Variants in ESYT2 observed in about 807,000 individuals in gnomAD.
ESYT2 encodes the protein extended synaptotagmin 2.
Under a neutral mutation model 107.2 loss-of-function variants are expected in ESYT2, and 54 were observed. The ratio of observed to expected loss-of-function variants is 0.50; its 90% CI spans 0.40 to 0.63. ESYT2 has a LOEUF of 0.63. ESYT2 is among the 30% of genes least tolerant of loss of function. The pLI, the probability that ESYT2 is intolerant of heterozygous loss-of-function variation, is 0.00. For synonymous variants in ESYT2, 491 were observed against 434.1 expected, an observed-to-expected ratio of 1.13 and a Z score of -1.63; for missense variants, 1,020 against 1,094.5, an observed-to-expected ratio of 0.93 and a Z score of 0.96.
rs758010501 is a variant in ESYT2, at chr7:158,759,525, T to C, written c.1380A>G (p.Ala460=). Reference sequence around the variant, plus strand: ...CTGAATCCAAGTACAAGATCAGCAATGCAGAGGAAAGACCATCGTTGGCTT... The same window carrying C: ...CTGAATCCAAGTACAAGATCAGCAACGCAGAGGAAAGACCATCGTTGGCTT... ...KDQANDGLSS[A]LLILYLDSAR... Residue 460 remains alanine, a synonymous_variant, in exon 13 of 23, where the codon GCA becomes GCG. Transcript: ENST00000275418. The C allele has an allele frequency of 1.4e-5, 23 of 1,612,244 alleles. No individual in the cohort carries two copies. The highest frequency in any genetic ancestry group is 2.2e-5 in the South Asian group (2 of 91,026).
Position 158,764,812 on chromosome 7 carries a change from C to G in ESYT2, c.966G>C (p.Gln322His). 2 of 1,614,168 alleles carry G rather than the reference C, an allele frequency of 1.2e-6. No homozygotes were observed. Among genetic ancestry groups the G allele is most frequent in the South Asian group, 2.2e-5 (2 of 91,082 alleles). ...RIHFIEAQDL[Q>H]GKDTYLKGLV... ...GTCCCTTAAGGTAAGTGTCTTTCCC[C>G]TGAAGATCCTGAGCTTCAATAAAAT... The change falls in exon 9 of 23, where the codon CAG (glutamine) becomes CAC (histidine). Residue 322 changes from glutamine to histidine, a missense_variant. By Grantham distance (24) the Gln-to-His change is conservative. Coordinates refer to ENST00000275418, the MANE Select transcript of ESYT2 (RefSeq NM_001367773.1).
chr7:158,739,134 A>T lies in ESYT2; in HGVS notation c.2169-13T>A. 1 of 1,613,188 alleles carries T rather than the reference A, an allele frequency of 6.2e-7. No individual in the cohort carries two copies. Among genetic ancestry groups the T allele is most frequent in the Non-Finnish European group, 8.5e-7 (1 of 1,179,230 alleles). On this transcript the variant is annotated splice_polypyrimidine_tract_variant and intron_variant, in intron 18 of 22. Transcript: ENST00000275418. ...CAGGGTCGTCCCGCTGTGGGAAAAGAGCAGAAAGTCACCAGCTTGCCTGAG... is the reference window on the plus strand; with the variant it reads ...CAGGGTCGTCCCGCTGTGGGAAAAGTGCAGAAAGTCACCAGCTTGCCTGAG...
chr7:158,813,738 C>G (rs1235531615), intron 1 of ESYT2, among the ~76,000 whole-genome samples: 1 of 152,182 alleles, frequency 6.6e-6, no homozygotes, highest in Non-Finnish European at 1.5e-5. Context: ...CACCTCTGTT[C>G]CTCGTCCCGA....
intron 9 of ESYT2, among the ~76,000 whole-genome samples, chr7:158,764,319 C>T (rs982811567): frequency 6.6e-6 from 1 of 152,086 alleles, no homozygotes; most frequent in Non-Finnish European, 1.5e-5. Flanking sequence ...TAAAAAAAAG[C>T]TTGCAAGGAG....
chr7:158,746,227 T>TAC (rs1299743787), intron 16 of ESYT2, among the ~76,000 whole-genome samples: 2 of 41,596 alleles, frequency 4.8e-5, no homozygotes, highest in African/African-American at 1.1e-4. Flanking sequence ...CATACATAAA[T>TAC]AGACACACAC....
At chr7:158,778,879 A>C (rs542290739) in intron 6 of ESYT2, among the ~76,000 whole-genome samples, 109 of 152,110 alleles carry the variant, frequency 7.2e-4, no homozygotes, top group Non-Finnish European at 1.8e-4. Flanking sequence ...TCCCAAGAAA[A>C]GTATCCACTT....
intron 17 of ESYT2, among the ~76,000 whole-genome samples, chr7:158,743,199 G>A (rs780559046): frequency 8.5e-5 from 13 of 152,246 alleles, no homozygotes; most frequent in Middle Eastern, 6.8e-3. Context: ...AGAAAACCTT[G>A]TTGATACCAA....
In ESYT2 at chr7:158,741,595, G is replaced by T; in HGVS notation, c.2096C>A (p.Pro699His). The change falls in exon 18 of 23, where the codon CCC becomes CAC. Residue 699 changes from proline to histidine, a missense_variant. Pro to His is a moderately conservative substitution (Grantham distance 77). Transcript: ENST00000275418. Reference protein sequence around the residue: ...PGHISVKEPTPSIASDISLPI... With the variant: ...PGHISVKEPTHSIASDISLPI... ...CAGCGAGATGTCCGAGGCGATGCTGGGGGTCGGCTCCTTGACTGAGATGTG... is the reference window on the plus strand; with the variant it reads ...CAGCGAGATGTCCGAGGCGATGCTGTGGGTCGGCTCCTTGACTGAGATGTG... The T allele has an allele frequency of 6.2e-7, 1 of 1,611,600 alleles. No individual in the cohort carries two copies.
intron 8 of ESYT2, among the ~76,000 whole-genome samples, chr7:158,766,513 C>T (rs1183064725): frequency 6.6e-6 from 1 of 152,122 alleles, no homozygotes; most frequent in Non-Finnish European, 1.5e-5. Flanking sequence ...CACATTAAAG[C>T]TGTTGAATGC....
intron 6 of ESYT2, among the ~76,000 whole-genome samples, chr7:158,782,525 G>A (rs1838935378): frequency 1.3e-5 from 1 of 78,698 alleles, no homozygotes; most frequent in Admixed American, 1.4e-4. Context: ...GAGTGGAATA[G>A]CGAGTGTAAG....
intron 6 of ESYT2, among the ~76,000 whole-genome samples, chr7:158,777,932 T>G (rs1324248676): frequency 6.6e-6 from 1 of 152,238 alleles, no homozygotes; most frequent in East Asian, 1.9e-4. Context: ...GCTGTTCGCT[T>G]CACAGCACGG....
At chr7:158,800,111 C>T (rs1006674829) in intron 1 of ESYT2, among the ~76,000 whole-genome samples, 5 of 149,820 alleles carry the variant, frequency 3.3e-5, no homozygotes, top group African/African-American at 4.9e-5. Context: ...TGCAGTGGCG[C>T]GATCTCGGCT....
intron 7 of ESYT2, among the ~76,000 whole-genome samples, chr7:158,769,437 G>A (rs1042580967): frequency 5.3e-5 from 8 of 152,112 alleles, no homozygotes; most frequent in Admixed American, 2.6e-4. Context: ...CCCTCACTGC[G>A]CCTCCTCACC....
chr7:158,817,181 G>A (rs950619447), intron 1 of ESYT2, among the ~76,000 whole-genome samples: 1 of 152,170 alleles, frequency 6.6e-6, no homozygotes, highest in Non-Finnish European at 1.5e-5. Flanking sequence ...CACGATGAGG[G>A]GGTGGGGCAT....
intron 6 of ESYT2, among the ~76,000 whole-genome samples, chr7:158,780,865 C>G (rs1042987068): frequency 2.0e-5 from 3 of 152,100 alleles, no homozygotes; most frequent in Non-Finnish European, 4.4e-5. Context: ...GGTGAAGGAG[C>G]AAGAGCCAGA....
chr7:158,758,507 A>C (rs1031349261), intron 13 of ESYT2, among the ~76,000 whole-genome samples: 1 of 152,232 alleles, frequency 6.6e-6, no homozygotes, highest in African/African-American at 2.4e-5. Flanking sequence ...GTAAACACTG[A>C]CAAAGGGAGA....
intron 12 of ESYT2, 94 bp from the exon 13 acceptor site, chr7:158,759,675 A>T: frequency 9.5e-7 from 1 of 1,047,168 alleles, no homozygotes; most frequent in Non-Finnish European, 1.4e-6. Context: ...CGCTAAAAAT[A>T]AGAAAGGTGA....
intron 17 of ESYT2, among the ~76,000 whole-genome samples, chr7:158,742,844 A>T (rs1351807730): frequency 3.9e-5 from 6 of 152,238 alleles, no homozygotes; most frequent in Non-Finnish European, 7.3e-5. Flanking sequence ...AAGGCCAAGG[A>T]GCCTTCAGAT....
At position 158,808,312 on chromosome 7, in the gene ESYT2, C is replaced by T. The variant is rs139795189; in HGVS notation, c.331-9240G>A. Among the ~76,000 whole-genome samples, 446 of 152,332 alleles carry T rather than the reference C, an allele frequency of 2.9e-3. 1 individual carries two copies. Among genetic ancestry groups the T allele is most frequent in the Non-Finnish European group, 4.7e-3 (323 of 68,044 alleles). ...TCTGTCCAGCTCGAGACACGAGCCC[C>T]GTCCGGCACGTTCGCGCCGAGCATG... On this transcript the variant is annotated intron_variant, in intron 1 of 22. Coordinates refer to ENST00000275418, the MANE Select transcript of ESYT2 (RefSeq NM_001367773.1).
Sources: gnomAD v4.1 joint callset for allele counts (sites outside exome capture counted in the v4.1 genomes callset) on GRCh38, gnomAD v4.1.1 for gene constraint, MANE v1.5 for transcripts, NCBI Gene and HGNC (gene_info 2026-07-23, HGNC 2026-07-21) for gene names.